The following SUPT7L variants were observed in gnomAD, a reference collection of about 807,000 sequenced individuals.
The protein encoded by SUPT7L is STAGA complex 65 subunit gamma.
SUPT7L carries 15 observed loss-of-function variants against 35.7 expected under a neutral mutation model. The observed-to-expected ratio is 0.42, with a 90% CI of 0.28 to 0.65. The LOEUF is 0.65. Ranked by LOEUF, SUPT7L falls within the 30% of genes least tolerant of loss-of-function variation. SUPT7L has a pLI of 0.23. For synonymous variants in SUPT7L, 168 were observed against 186.2 expected, an observed-to-expected ratio of 0.90 and a Z score of 0.79; for missense variants, 434 against 522.2, an observed-to-expected ratio of 0.83 and a Z score of 1.65.
chr2:27,651,189 T>G lies in SUPT7L; in HGVS notation c.*2296A>C, dbSNP rs1206498823. On this transcript the variant is annotated 3_prime_UTR_variant, in exon 6 of 6. Coordinates refer to ENST00000337768, the MANE Select transcript of SUPT7L (RefSeq NM_014860.3). ...AAAACAGTACATTTCTTTCAAAGAATTTTATCTCTATGAGTCAGTACTCCA... is the reference window on the plus strand; with the variant it reads ...AAAACAGTACATTTCTTTCAAAGAAGTTTATCTCTATGAGTCAGTACTCCA... 7 of 152,308 alleles carry G rather than the reference T, an allele frequency of 4.6e-5. No individual in the cohort carries two copies. 9.4% of individuals were successfully genotyped at this position (152,308 alleles called of 1,614,324 possible).
rs1674548127 is a variant in SUPT7L, at chr2:27,651,494, G to T, written c.*1991C>A. 1 of 152,332 alleles carries T rather than the reference G, an allele frequency of 6.6e-6. No individual in the cohort carries two copies. Among genetic ancestry groups the T allele is most frequent in the Non-Finnish European group, 1.5e-5 (1 of 68,044 alleles). 9.4% of individuals were successfully genotyped at this position (152,332 alleles called of 1,614,324 possible). ...AGTTTAACATTCTGCAGCAATAAAAGTGTTTTATTATAAAGTATTAATTTT... is the reference window on the plus strand; with the variant it reads ...AGTTTAACATTCTGCAGCAATAAAATTGTTTTATTATAAAGTATTAATTTT... On this transcript the variant is annotated 3_prime_UTR_variant, in exon 6 of 6. Coordinates refer to ENST00000337768, the MANE Select transcript of SUPT7L (RefSeq NM_014860.3).
rs754635851 is a variant in SUPT7L, at chr2:27,657,720, C to G, written c.420-51G>C. 1 of 1,519,566 alleles carries G rather than the reference C, an allele frequency of 6.6e-7. No homozygotes were observed. The allele number at this position is 1,519,566 out of a possible 1,614,324, so 94.1% of individuals were successfully genotyped here. ...ATTAATGTTCTTGCAAAGGGGTGAC[C>G]CCTCCTGTCTTCCCCAGGAGTTTTA... On this transcript the variant is annotated intron_variant, in intron 3 of 5. Transcript: ENST00000337768. This position sits in a 1 kb window ranked among gnomAD's most constrained non-coding sequence, Gnocchi z 5.2.
intron 5 of SUPT7L, 54 bp downstream of exon 5, chr2:27,655,311 T>C: frequency 6.8e-7 from 1 of 1,475,866 alleles, no homozygotes; most frequent in Admixed American, 2.4e-5. Context: ...AAGCAAAAAG[T>C]ACTGAAATTG....
At chr2:27,649,848 C>T (rs1005794577), downstream of SUPT7L, among the ~76,000 whole-genome samples, 3 of 152,000 alleles carry the variant, frequency 2.0e-5, no homozygotes, top group African/African-American at 4.8e-5. Flanking sequence ...TTTGTGTAGA[C>T]GTATGTTTTC....
At chr2:27,653,891 G>T in intron 5 of SUPT7L, 144 bp from the exon 6 acceptor site, 2 of 1,082,532 alleles carry the variant, frequency 1.8e-6, no homozygotes, top group Non-Finnish European at 2.6e-6. Flanking sequence ...GGAGAATATG[G>T]TTGTTACTCT....
In SUPT7L at chr2:27,657,452, G is replaced by A. The variant is rs766498602; in HGVS notation, c.637C>T (p.Pro213Ser). The change falls in exon 4 of 6, where the codon CCT (proline) becomes TCT (serine). Residue 213 changes from proline to serine, a missense_variant. Physicochemically the swap from Pro to Ser is moderately conservative, Grantham distance 74 (BLOSUM62 -1). Coordinates refer to ENST00000337768, the MANE Select transcript of SUPT7L (RefSeq NM_014860.3). This position sits in a 1 kb window ranked among gnomAD's most constrained non-coding sequence, Gnocchi z 5.2. ...REARLGQTPF[P>S]DVMEQVFHEV... is the part of the protein sequence containing the mutation. The stretch of plus-strand genomic sequence containing the variant: ...TGGAATACCTGCTCCATCACATCAG[G>A]AAAAGGAGTCTGTCCCAGCCGGGCC... 2 of 1,614,242 alleles carry A rather than the reference G, an allele frequency of 1.2e-6. No homozygotes were observed. Among genetic ancestry groups the A allele is most frequent in the East Asian group, 4.5e-5 (2 of 44,886 alleles).
the SUPT7L span, among the ~76,000 whole-genome samples, chr2:27,645,043 C>T: frequency 6.6e-6 from 1 of 152,252 alleles, no homozygotes; most frequent in African/African-American, 2.4e-5. Flanking sequence ...TCATAGCTCC[C>T]TGCAGCCTCG....
downstream of SUPT7L, chr2:27,650,308 C>A: frequency 1.6e-6 from 1 of 607,780 alleles, no homozygotes; most frequent in Non-Finnish European, 2.9e-6. Context: ...GGATAATTTT[C>A]CTCAGAGTAG....
At chr2:27,645,513 G>A in the SUPT7L span, among the ~76,000 whole-genome samples, 333 of 152,156 alleles carry the variant, frequency 2.2e-3, 1 homozygote, top group Middle Eastern at 0.01. Context: ...TTAATTTAGG[G>A]AGAAGTGACA....
In SUPT7L at chr2:27,652,695, AT is replaced by A. The variant is rs1458199637; in HGVS notation, c.*789del. The A allele has an allele frequency of 1.3e-5, 2 of 152,830 alleles. No homozygotes were observed. Among genetic ancestry groups the A allele is most frequent in the African/African-American group, 4.8e-5 (2 of 41,470 alleles). The allele number at this position is 152,830 out of a possible 1,614,324, so 9.5% of individuals were successfully genotyped here. Reference sequence around the variant, plus strand: ...ACCAAGCAAATGCAACAAATGAAATATGCACAAGGCTGTCCTTGGACAGTAC... The same window carrying A: ...ACCAAGCAAATGCAACAAATGAAATAGCACAAGGCTGTCCTTGGACAGTAC... On this transcript the variant is annotated 3_prime_UTR_variant, in exon 6 of 6. Coordinates refer to ENST00000337768, the MANE Select transcript of SUPT7L (RefSeq NM_014860.3).
At chr2:27,654,426 ATTGATGACAATTTATAC>A (rs2148110343) in intron 5 of SUPT7L, among the ~76,000 whole-genome samples, 1 of 152,326 alleles carries the variant, frequency 6.6e-6, no homozygotes, top group East Asian at 1.9e-4. Flanking sequence ...TCATTTGTGC[ATTGATGACAATTTATAC>A]TTGTAAACAA....
chr2:27,661,166 A>G lies in SUPT7L; in HGVS notation c.237T>C (p.Leu79=), dbSNP rs1163678129. The G allele has an allele frequency of 6.2e-7, 1 of 1,614,148 alleles. No individual in the cohort carries two copies. Among genetic ancestry groups the G allele is most frequent in the East Asian group, 2.2e-5 (1 of 44,884 alleles). Residue 79 remains leucine (L), a synonymous_variant, in exon 3 of 6, where the codon CTT becomes CTC. Coordinates refer to ENST00000337768, the MANE Select transcript of SUPT7L (RefSeq NM_014860.3). ...GATTCTGGGCCTGAGCTGTGGCAAT[A>G]AGGTTGCGAAGACGTCGGTTGTGCT... ...LIQHNRRLRN[L]IATAQAQNQQ...
chr2:27,659,096 T>A (rs527245446), intron 3 of SUPT7L, among the ~76,000 whole-genome samples: 1 of 152,372 alleles, frequency 6.6e-6, no homozygotes, highest in Admixed American at 6.5e-5. Context: ...AATATGTGAA[T>A]ACAGTATTGA....
chr2:27,646,957 AACT>A (rs1197756056), downstream of SUPT7L, among the ~76,000 whole-genome samples: 2 of 152,240 alleles, frequency 1.3e-5, no homozygotes, highest in Non-Finnish European at 2.9e-5. Flanking sequence ...TCAATGTTAA[AACT>A]ACTGCTGCAA....
intron 5 of SUPT7L, 69 bp from the exon 6 acceptor site, chr2:27,653,816 A>G (rs917311902): frequency 8.8e-6 from 14 of 1,584,284 alleles, no homozygotes; most frequent in Non-Finnish European, 1.1e-5. Flanking sequence ...CAAAGAGTAA[A>G]TATATCACTC....
intron 3 of SUPT7L, among the ~76,000 whole-genome samples, chr2:27,660,138 C>G (rs946285117): frequency 1.3e-5 from 2 of 151,954 alleles, no homozygotes; most frequent in African/African-American, 2.4e-5. Flanking sequence ...GCCTGAGATT[C>G]TGCATATCTA....
the SUPT7L span, among the ~76,000 whole-genome samples, chr2:27,645,241 G>A: frequency 2.6e-5 from 4 of 152,174 alleles, no homozygotes; most frequent in African/African-American, 7.2e-5. Context: ...AAGGTGTTGG[G>A]ATCATAGGCA....
the SUPT7L span, among the ~76,000 whole-genome samples, chr2:27,644,092 T>G: frequency 6.6e-6 from 1 of 152,156 alleles, no homozygotes; most frequent in Admixed American, 6.5e-5. Flanking sequence ...GGAGAGTCTC[T>G]TGAACCCGGG....
chr2:27,645,188 C>T, the SUPT7L span, among the ~76,000 whole-genome samples: 2 of 152,138 alleles, frequency 1.3e-5, no homozygotes, highest in African/African-American at 4.8e-5. Flanking sequence ...CCAGGCTGGT[C>T]TTGAACTCTT....
Sources: gnomAD v4.1 joint callset for allele counts (sites outside exome capture counted in the v4.1 genomes callset) on GRCh38, gnomAD v4.1.1 for gene constraint, Gnocchi (gnomAD v3.1) non-coding constraint, MANE v1.5 for transcripts, NCBI Gene and HGNC (gene_info 2026-07-23, HGNC 2026-07-21) for gene names.